The following RCAN1 variants were observed in gnomAD, a reference collection of about 807,000 sequenced individuals.
The protein encoded by RCAN1 is regulator of calcineurin 1, also known as calcipressin-1.
RCAN1 carries 11 observed loss-of-function variants against 22.9 expected under a neutral mutation model. That is an observed-to-expected ratio of 0.48 (90% CI 0.30 to 0.79). The LOEUF (loss-of-function observed/expected upper bound fraction) is 0.79. RCAN1 is among the 30% of genes least tolerant of loss of function. RCAN1 has a pLI of 0.06. For synonymous variants in RCAN1, 136 were observed against 142.3 expected (o/e 0.96, Z 0.32); for missense variants, 291 against 337.8 (o/e 0.86, Z 1.09).
intron 1 of RCAN1, among the ~76,000 whole-genome samples, chr21:34,542,675 T>C (rs1892660): frequency 0.24 from 36,376 of 152,130 alleles, 5,051 homozygotes; most frequent in African/African-American, 0.38. Context: ...GGGTGGCTTG[T>C]TGTGCAGCAA....
intron 1 of RCAN1, among the ~76,000 whole-genome samples, chr21:34,548,001 T>C (rs920818784): frequency 2.6e-5 from 4 of 152,112 alleles, no homozygotes; most frequent in African/African-American, 9.7e-5. Context: ...TGCAAGAAGG[T>C]GACAGTCTAC....
intron 1 of RCAN1, chr21:34,559,243 G>C (rs1360813713): frequency 2.6e-5 from 4 of 152,142 alleles, no homozygotes; most frequent in African/African-American, 9.7e-5. Flanking sequence ...GAGTAGTGTT[G>C]GGAAGTTTAA....
chr21:34,553,244 G>A (rs999175281), intron 1 of RCAN1, among the ~76,000 whole-genome samples: 1 of 152,202 alleles, frequency 6.6e-6, no homozygotes, highest in Non-Finnish European at 1.5e-5. Flanking sequence ...GCTCACAGTG[G>A]GGGTGGAGAT....
At chr21:34,567,139 A>AC (rs145769174) in intron 1 of RCAN1, among the ~76,000 whole-genome samples, 69,672 of 151,642 alleles carry the variant, frequency 0.46, 16,723 homozygotes, top group African/African-American at 0.54. Context: ...AAAATTTCAA[A>AC]ATTTGTGTAG....
intron 2 of RCAN1, chr21:34,522,021 C>T (rs1441280413): frequency 5.2e-6 from 1 of 190,714 alleles, no homozygotes; most frequent in African/African-American, 2.4e-5. Context: ...AGTCTCTCCC[C>T]GCTCCTCATA....
At chr21:34,561,225 T>C (rs1187526627) in intron 1 of RCAN1, among the ~76,000 whole-genome samples, 1 of 152,134 alleles carries the variant, frequency 6.6e-6, no homozygotes, top group Non-Finnish European at 1.5e-5. Flanking sequence ...TTACCCTCTC[T>C]AGGGTAGTTC....
chr21:34,583,178 CTTTTTT>C (rs10708288), intron 1 of RCAN1, among the ~76,000 whole-genome samples: 1 of 114,366 alleles, frequency 8.7e-6, no homozygotes, highest in Non-Finnish European at 1.8e-5. Context: ...GCGATAGGGC[CTTTTTT>C]TTTTTTTTTT....
chr21:34,554,704 G>A (rs372443432), intron 1 of RCAN1, among the ~76,000 whole-genome samples: 32 of 152,274 alleles, frequency 2.1e-4, no homozygotes, highest in East Asian at 1.9e-3. Flanking sequence ...ATATTAGTCC[G>A]TTTTCATGAT....
chr21:34,533,244 G>A (rs1365006987), intron 1 of RCAN1, among the ~76,000 whole-genome samples: 1 of 152,316 alleles, frequency 6.6e-6, no homozygotes, highest in East Asian at 1.9e-4. Flanking sequence ...ACAGGCGTGA[G>A]CCACCGCGCC....
intron 1 of RCAN1, among the ~76,000 whole-genome samples, chr21:34,589,535 TGGC>T (rs1987903730): frequency 8.5e-5 from 13 of 152,222 alleles, no homozygotes; most frequent in Non-Finnish European, 1.5e-4. Flanking sequence ...TGTGTCAAAC[TGGC>T]CCCGGTGTGT....
chr21:34,530,626 T>TTGTTTGTTTTG (rs1985337033), intron 1 of RCAN1, among the ~76,000 whole-genome samples: 1 of 127,636 alleles, frequency 7.8e-6, no homozygotes, highest in African/African-American at 3.2e-5. Context: ...GTTTTTTTTT[T>TTGTTTGTTTTG]TTTTTTTTTT....
At chr21:34,533,632 C>T (rs1985532674) in intron 1 of RCAN1, among the ~76,000 whole-genome samples, 1 of 152,208 alleles carries the variant, frequency 6.6e-6, no homozygotes, top group Admixed American at 6.5e-5. Context: ...CCTCTTGGAG[C>T]TTACATTCCA....
At chr21:34,546,883 T>C (rs1986166284) in intron 1 of RCAN1, among the ~76,000 whole-genome samples, 1 of 152,180 alleles carries the variant, frequency 6.6e-6, no homozygotes, top group Admixed American at 6.5e-5. Flanking sequence ...ATGTCCTACC[T>C]GGAAAAAAGT....
At chr21:34,566,487 G>C (rs1987011050) in intron 1 of RCAN1, among the ~76,000 whole-genome samples, 2 of 152,146 alleles carry the variant, frequency 1.3e-5, no homozygotes, top group Admixed American at 6.5e-5. Flanking sequence ...CAGCTCCCTG[G>C]AGTCCCTCAC....
At position 34,613,636 on chromosome 21, in the gene RCAN1, A is replaced by G. The variant is rs75518695; in HGVS notation, c.252+1124T>C. ...GCGCTTAGTTTATATGGAGAGGAAA[A>G]GGTTTTAGAGTAAGATCAATCAGTA... On this transcript the variant is annotated intron_variant, in intron 1 of 3. Coordinates refer to ENST00000313806, the MANE Select transcript of RCAN1 (RefSeq NM_004414.7). 9.9e-3 allele frequency: 9,246 copies of G among 933,678 alleles called. 367 individuals are homozygous for G. In the South Asian group the frequency reaches 0.1, roughly 11 times the overall value. 57.8% of individuals were successfully genotyped at this position (933,678 alleles called of 1,614,324 possible).
rs970192912 is a variant in RCAN1, at chr21:34,556,380, C to T, written c.253-32670G>A. Among the ~76,000 whole-genome samples the T allele has an allele frequency of 7.3e-5, 11 of 150,402 alleles. 1 individual carries two copies. In the East Asian group the frequency reaches 1.2e-3, roughly 16 times the overall value. On this transcript the variant is annotated intron_variant, in intron 1 of 3. Transcript: ENST00000313806. ...GGTCGAGGCTGCAGTGAGCTGAGAT[C>T]GTGCCACTGCACTCCAGCCTGGGTG...
chr21:34,580,170 C>A (rs1260824194), intron 1 of RCAN1, among the ~76,000 whole-genome samples: 1 of 147,580 alleles, frequency 6.8e-6, no homozygotes, highest in Non-Finnish European at 1.5e-5. Flanking sequence ...GATTTACTTT[C>A]CTGGGAAGTC....
chr21:34,574,079 C>T (rs376021694), intron 1 of RCAN1, among the ~76,000 whole-genome samples: 4 of 152,222 alleles, frequency 2.6e-5, no homozygotes, highest in East Asian at 3.9e-4. Flanking sequence ...AGGGACTCAC[C>T]AAATGAAGCC....
At chr21:34,582,729 C>T (rs1453622320) in intron 1 of RCAN1, among the ~76,000 whole-genome samples, 2 of 152,184 alleles carry the variant, frequency 1.3e-5, no homozygotes, top group Non-Finnish European at 2.9e-5. Flanking sequence ...GTTTTCAAAA[C>T]ACCACTGGCT....
Sources: gnomAD v4.1 joint callset for allele counts (sites outside exome capture counted in the v4.1 genomes callset) on GRCh38, gnomAD v4.1.1 for gene constraint, MANE v1.5 for transcripts, NCBI Gene and HGNC (gene_info 2026-07-23, HGNC 2026-07-21) for gene names.